Variants in RALGAPB observed in about 807,000 individuals in gnomAD.
The protein encoded by RALGAPB is ral GTPase-activating protein subunit beta.
Under a neutral mutation model 161.1 loss-of-function variants are expected in RALGAPB, and 25 were observed. That is an observed-to-expected ratio of 0.16 (90% CI 0.11 to 0.22). The LOEUF is 0.22. Among genes scored for constraint, RALGAPB ranks in the 10% least tolerant of loss-of-function variants. The pLI, the probability that RALGAPB is intolerant of heterozygous loss-of-function variation, is 1.00. For missense variants in RALGAPB, 1,391 were observed against 1,815.2 expected, an observed-to-expected ratio of 0.77 and a Z score of 4.25; for synonymous variants, 629 against 626.1, an observed-to-expected ratio of 1.00 and a Z score of -0.07.
rs920875191 is a variant in RALGAPB, at chr20:38,472,873, G to T, written c.-227G>T. 23 of 399,000 alleles carry T rather than the reference G, an allele frequency of 5.8e-5. No homozygotes were observed. Among genetic ancestry groups the T allele is most frequent in the African/African-American group, 1.4e-4 (7 of 48,762 alleles). 24.7% of individuals were successfully genotyped at this position (399,000 alleles called of 1,614,324 possible). Reference sequence around the variant, plus strand: ...GAAGTTGCCTGAGCAGATCCCAGCCGGCTGGCTCGAGTGGCCTTCGTCGTC... The same window carrying T: ...GAAGTTGCCTGAGCAGATCCCAGCCTGCTGGCTCGAGTGGCCTTCGTCGTC... On this transcript the variant is annotated 5_prime_UTR_variant, in exon 1 of 30. Coordinates refer to ENST00000262879, the MANE Select transcript of RALGAPB (RefSeq NM_020336.4).
At chr20:38,570,436 A>G (rs991100309) in intron 27 of RALGAPB, among the ~76,000 whole-genome samples, 8 of 152,242 alleles carry the variant, frequency 5.3e-5, no homozygotes, top group African/African-American at 1.7e-4. Flanking sequence ...TGATTTTTAC[A>G]TAAGCAACAT....
At chr20:38,509,229 C>T (rs1484438742) in intron 6 of RALGAPB, 21 bp downstream of exon 6, 13 of 1,607,020 alleles carry the variant, frequency 8.1e-6, no homozygotes, top group Non-Finnish European at 1.1e-5. Flanking sequence ...TTTATTATTT[C>T]ATGTGCCATT....
intron 2 of RALGAPB, among the ~76,000 whole-genome samples, chr20:38,490,469 A>G (rs1251360310): frequency 6.7e-6 from 1 of 150,104 alleles, no homozygotes; most frequent in African/African-American, 2.5e-5. Flanking sequence ...CGGCCTCCCA[A>G]AGTGCTGGTA....
intron 1 of RALGAPB, among the ~76,000 whole-genome samples, chr20:38,474,195 A>T (rs2084736007): frequency 6.6e-6 from 1 of 152,166 alleles, no homozygotes; most frequent in Non-Finnish European, 1.5e-5. Flanking sequence ...CATATGCTGG[A>T]AGTCTGCCTA....
intron 9 of RALGAPB, among the ~76,000 whole-genome samples, chr20:38,519,254 T>A (rs1443893528): frequency 6.6e-6 from 1 of 152,198 alleles, no homozygotes. Flanking sequence ...TGTGCTTACT[T>A]ACAATAAGTG....
chr20:38,563,231 G>T (rs1308054753), intron 24 of RALGAPB, among the ~76,000 whole-genome samples: 6 of 152,176 alleles, frequency 3.9e-5, no homozygotes, highest in Non-Finnish European at 7.3e-5. Context: ...TTATTACAAT[G>T]CTGATAAGTT....
intron 2 of RALGAPB, among the ~76,000 whole-genome samples, chr20:38,492,566 C>T (rs569519426): frequency 6.6e-6 from 1 of 152,178 alleles, no homozygotes; most frequent in African/African-American, 2.4e-5. Context: ...CATACTTAAA[C>T]ATTAAGTGGA....
In RALGAPB at chr20:38,575,464, T is replaced by A. The variant is rs2088401894; in HGVS notation, c.*497T>A. 6.5e-6 allele frequency: 1 copy of A among 153,938 alleles called. No individual in the cohort carries two copies. The allele number at this position is 153,938 out of a possible 1,614,324, so 9.5% of individuals were successfully genotyped here. A position where few individuals can be genotyped will look rare whatever the true frequency, so the allele number is the denominator to read the frequency against. On this transcript the variant is annotated 3_prime_UTR_variant, in exon 30 of 30. Transcript: ENST00000262879. ...TCACAGCCTTCTACTCAGTTGTAGG[T>A]CTTCTTGTCATCCAGCTGTCACACT... is the stretch of plus-strand genomic sequence containing the variant.
intron 1 of RALGAPB, among the ~76,000 whole-genome samples, chr20:38,477,989 G>T (rs941777046): frequency 6.6e-6 from 1 of 152,194 alleles, no homozygotes; most frequent in Non-Finnish European, 1.5e-5. Context: ...GCGGCGCATG[G>T]TGACACACAC....
intron 16 of RALGAPB, among the ~76,000 whole-genome samples, chr20:38,536,227 T>C (rs886156965): frequency 6.6e-6 from 1 of 152,240 alleles, no homozygotes. Context: ...AATCATACAA[T>C]GTGTGACCTT....
chr20:38,506,902 A>G (rs1298048523), intron 5 of RALGAPB, among the ~76,000 whole-genome samples: 3 of 152,156 alleles, frequency 2.0e-5, no homozygotes, highest in African/African-American at 7.2e-5. Flanking sequence ...AAGCTTTGGA[A>G]TATTTTGTTA....
In RALGAPB at chr20:38,554,889, G is replaced by A. The variant is rs193151927; in HGVS notation, c.3372+813G>A. ...GGCCAGGAGTTCGAGACCAGTCTGG[G>A]CAACATAGCGAGACCCCCCCATCTC... On this transcript the variant is annotated intron_variant, in intron 22 of 29. Coordinates refer to ENST00000262879, the MANE Select transcript of RALGAPB (RefSeq NM_020336.4). Among the ~76,000 whole-genome samples the A allele has an allele frequency of 2.0e-3, 305 of 152,264 alleles. 4 individuals carry two copies. The highest frequency in any genetic ancestry group is 6.8e-3 in the African/African-American group (281 of 41,552).
chr20:38,565,211 A>G (rs1336445335), intron 24 of RALGAPB, 148 bp from the exon 25 acceptor site: 1 of 875,382 alleles, frequency 1.1e-6, no homozygotes, highest in Non-Finnish European at 1.7e-6. Flanking sequence ...TAAGCATTAT[A>G]TTTTATTCTT....
At chr20:38,479,734 C>G (rs996626961) in intron 1 of RALGAPB, among the ~76,000 whole-genome samples, 1 of 152,164 alleles carries the variant, frequency 6.6e-6, no homozygotes, top group Non-Finnish European at 1.5e-5. Flanking sequence ...GGAGGGGACT[C>G]AGGATCCCTA....
intron 5 of RALGAPB, among the ~76,000 whole-genome samples, chr20:38,504,195 A>G (rs1253072191): frequency 2.0e-5 from 3 of 152,252 alleles, no homozygotes; most frequent in Middle Eastern, 3.2e-3. Context: ...CTAGAGGGCT[A>G]CAGTCACCAA....
At chr20:38,557,462 A>G (rs2087625151) in intron 22 of RALGAPB, among the ~76,000 whole-genome samples, 1 of 152,222 alleles carries the variant, frequency 6.6e-6, no homozygotes, top group Non-Finnish European at 1.5e-5. Flanking sequence ...CATCAGTTGT[A>G]CAAATAGTTT....
At chr20:38,566,629 A>C (rs1420231937) in intron 25 of RALGAPB, among the ~76,000 whole-genome samples, 1 of 152,204 alleles carries the variant, frequency 6.6e-6, no homozygotes, top group East Asian at 1.9e-4. Context: ...GATTGCTCTT[A>C]ATCACAGAGA....
intron 3 of RALGAPB, among the ~76,000 whole-genome samples, chr20:38,495,212 A>G (rs2085390718): frequency 6.6e-6 from 1 of 152,242 alleles, no homozygotes; most frequent in Non-Finnish European, 1.5e-5. Context: ...AAAAACTGAC[A>G]TTCAAAATGG....
chr20:38,480,029 T>A (rs1490097824), intron 1 of RALGAPB, among the ~76,000 whole-genome samples: 1 of 152,106 alleles, frequency 6.6e-6, no homozygotes, highest in Admixed American at 6.6e-5. Context: ...TTGCTCAGGC[T>A]GGAGTGCAGT....
Sources: allele counts gnomAD v4.1 joint callset (sites outside exome capture counted in the v4.1 genomes callset), GRCh38; gene constraint gnomAD v4.1.1; transcripts MANE v1.5; gene names NCBI Gene and HGNC (gene_info 2026-07-23, HGNC 2026-07-21).